CENPF: variants seen among roughly 807,000 people sequenced by gnomAD.
The protein encoded by CENPF is AH antigen.
CENPF carries 214 observed loss-of-function variants against 307.3 expected under a neutral mutation model. The observed-to-expected ratio is 0.70, with a 90% CI of 0.62 to 0.78. The LOEUF (loss-of-function observed/expected upper bound fraction) is 0.78, where lower values mean the gene tolerates loss of function less well. CENPF is among the 30% of genes least tolerant of loss of function. The probability of loss-of-function intolerance (pLI) is 0.00; values close to 1 mark genes in which losing one functional copy is unlikely to be tolerated. For missense variants in CENPF, 3,401 were observed against 3,483.9 expected (o/e 0.98, Z 0.60); for synonymous variants, 1,259 against 1,270.6 (o/e 0.99, Z 0.19).
At chr1:214,662,384 A>C (rs780880190) in intron 19 of CENPF, among the ~76,000 whole-genome samples, 1 of 152,160 alleles carries the variant, frequency 6.6e-6, no homozygotes, top group Non-Finnish European at 1.5e-5. Context: ...ACTCTGAGGG[A>C]GAAGTGAGCT....
chr1:214,648,692 A>C lies in CENPF; in HGVS notation c.7848A>C (p.Ala2616=). 1 of 1,613,090 alleles carries C rather than the reference A, an allele frequency of 6.2e-7. No homozygotes were observed. Among genetic ancestry groups the C allele is most frequent in the Non-Finnish European group, 8.5e-7 (1 of 1,179,746 alleles). Residue 2616 remains alanine (A), a synonymous_variant, in exon 14 of 20, where the codon GCA becomes GCC. Coordinates refer to ENST00000366955, the MANE Select transcript of CENPF (RefSeq NM_016343.4). Reference sequence around the variant, plus strand: ...AATTTCAGGTAAACAAAATGACTGCAAAGGAAACTGAGCTGCAGAGGGAAA... The same window carrying C: ...AATTTCAGGTAAACAAAATGACTGCCAAGGAAACTGAGCTGCAGAGGGAAA... ...SFVEKVNKMT[A]KETELQREMH... is the part of the protein sequence containing the mutation.
chr1:214,619,898 A>G (rs1425934415), intron 5 of CENPF, among the ~76,000 whole-genome samples: 1 of 152,184 alleles, frequency 6.6e-6, no homozygotes, highest in African/African-American at 2.4e-5. Flanking sequence ...AAAATTAAGT[A>G]CTCATTCTCT....
In CENPF at chr1:214,663,833, C is replaced by A; in HGVS notation, c.*39C>A. On this transcript the variant is annotated 3_prime_UTR_variant, in exon 20 of 20. Transcript: ENST00000366955. ...GTCAGTACCCCTGGGAGGTGCCAGT[C>A]ATTGAATAGATAAGGCTGTGCCTAC... is the stretch of plus-strand genomic sequence containing the variant. 1.3e-6 allele frequency: 2 copies of A among 1,535,536 alleles called. No individual in the cohort carries two copies. The highest frequency in any genetic ancestry group is 2.3e-5 in the South Asian group (2 of 87,350).
intron 6 of CENPF, among the ~76,000 whole-genome samples, chr1:214,621,567 G>GA (rs1657507111): frequency 1.3e-5 from 2 of 152,160 alleles, no homozygotes; most frequent in Non-Finnish European, 2.9e-5. Context: ...GCGTATGTGG[G>GA]AAAAAAGTGG....
chr1:214,644,803 T>G lies in CENPF; in HGVS notation c.5233T>G (p.Cys1745Gly), dbSNP rs749864587. The G allele has an allele frequency of 1.4e-5, 22 of 1,613,880 alleles. No individual in the cohort carries two copies. Among genetic ancestry groups the G allele is most frequent in the Non-Finnish European group, 1.7e-5 (20 of 1,179,952 alleles). The stretch of plus-strand genomic sequence containing the variant: ...AGATAAAACCCAGGGCTCTTCAGAA[T>G]GCATTTCTGAATTGTCATTTTCTGG... ...GEDKTQGSSE[C>G]ISELSFSGPN... is the part of the protein sequence containing the mutation. The change falls in exon 13 of 20, where the codon TGC (cysteine) becomes GGC (glycine). Residue 1745 changes from cysteine to glycine, a missense_variant. By Grantham distance (159) the Cys-to-Gly change is radical. Transcript: ENST00000366955.
rs777360859 is a variant in CENPF, at chr1:214,619,628, CA to C, written c.573+409del. Among the ~76,000 whole-genome samples, 67 of 152,198 alleles carry C rather than the reference CA, an allele frequency of 4.4e-4. 1 individual carries two copies. Among genetic ancestry groups the C allele is most frequent in the South Asian group, 1.0e-3 (5 of 4,818 alleles). On this transcript the variant is annotated intron_variant, in intron 5 of 19. Coordinates refer to ENST00000366955, the MANE Select transcript of CENPF (RefSeq NM_016343.4). The stretch of plus-strand genomic sequence containing the variant: ...GAATTTTACCTCTACCATTTTTGTT[CA>C]CGTGTTATTTGCTGAAAACAGTTTC...
intron 16 of CENPF, 87 bp from the exon 17 acceptor site, chr1:214,655,154 A>G: frequency 1.3e-6 from 1 of 795,816 alleles, no homozygotes. Flanking sequence ...AATTTACAAT[A>G]TATGAATCTT....
chr1:214,608,300 A>C, intron 1 of CENPF: 1 of 1,576,552 alleles, frequency 6.3e-7, no homozygotes, highest in Non-Finnish European at 8.6e-7. Flanking sequence ...AGCTGCCCCC[A>C]GGGTTGCCCT....
In CENPF at chr1:214,642,968, G is replaced by A. The variant is rs148549570; in HGVS notation, c.4630G>A (p.Ala1544Thr). 3 of 1,612,676 alleles carry A rather than the reference G, an allele frequency of 1.9e-6. No individual in the cohort carries two copies. The highest frequency in any genetic ancestry group is 8.5e-7 in the Non-Finnish European group (1 of 1,179,618). Residue 1544 changes from alanine to threonine, a missense_variant, in exon 12 of 20, where the codon GCC (alanine) becomes ACC (threonine). Coordinates refer to ENST00000366955, the MANE Select transcript of CENPF (RefSeq NM_016343.4). Reference protein sequence around the residue: ...ENLTRKETPSAPAKGVEELES... With the variant: ...ENLTRKETPSTPAKGVEELES... ...TCTGACCAGGAAAGAAACCCCTTCG[G>A]CCCCAGCGAAGGGTGTTGAAGAGCT...
chr1:214,609,114 C>T (rs1412290977), intron 1 of CENPF, among the ~76,000 whole-genome samples: 2 of 151,822 alleles, frequency 1.3e-5, no homozygotes, highest in Non-Finnish European at 2.9e-5. Context: ...CAGGGCCGCA[C>T]TCCATGGCGC....
At chr1:214,611,045 G>A (rs1201513544) in intron 1 of CENPF, among the ~76,000 whole-genome samples, 1 of 152,114 alleles carries the variant, frequency 6.6e-6, no homozygotes, top group Non-Finnish European at 1.5e-5. Context: ...CTATGTGTCT[G>A]ATTTTGTACT....
intron 1 of CENPF, chr1:214,612,972 C>T (rs1657238107): frequency 3.5e-6 from 1 of 285,222 alleles, no homozygotes. Flanking sequence ...CTGCTGTAAC[C>T]CTGTCCTTCA....
intron 16 of CENPF, 71 bp downstream of exon 16, chr1:214,653,060 C>A: frequency 1.5e-6 from 2 of 1,351,714 alleles, no homozygotes; most frequent in Non-Finnish European, 2.1e-6. Context: ...AATGGTATAG[C>A]ATTAAACGTT....
At position 214,640,407 on chromosome 1, in the gene CENPF, C is replaced by A; in HGVS notation, c.2069C>A (p.Ser690Ter). ...CTTCACAACGTGTTAGACAGTAAGT[C>A]AGTGGAGGTAGAGACCCAGAAACTA... The part of the protein sequence containing the change: ...RNLHNVLDSK[S>*]VEVETQKLAY... Residue 690 changes from serine to a stop codon, truncating the protein, a stop_gained, in exon 12 of 20, where the codon TCA becomes TAA. Coordinates refer to ENST00000366955, the MANE Select transcript of CENPF (RefSeq NM_016343.4). LOFTEE classifies it high-confidence loss of function. 1 of 1,613,968 alleles carries A rather than the reference C, an allele frequency of 6.2e-7. No individual in the cohort carries two copies. Among genetic ancestry groups the A allele is most frequent in the South Asian group, 1.1e-5 (1 of 91,056 alleles).
At chr1:214,618,724 G>T in intron 4 of CENPF, 30 bp downstream of exon 4, 9 of 1,579,934 alleles carry the variant, frequency 5.7e-6, no homozygotes, top group Non-Finnish European at 7.7e-6. Flanking sequence ...GGTATAGACA[G>T]CTTTTTGTTT....
At chr1:214,633,274 G>A (rs891878724) in intron 10 of CENPF, among the ~76,000 whole-genome samples, 9 of 152,266 alleles carry the variant, frequency 5.9e-5, no homozygotes, top group African/African-American at 1.9e-4. Context: ...GCCCTGATGG[G>A]ATTTTATGCA....
rs1339633000 is a variant in CENPF, at chr1:214,641,186, A to G, written c.2848A>G (p.Thr950Ala). The G allele has an allele frequency of 3.1e-6, 5 of 1,605,556 alleles. No homozygotes were observed. The highest frequency in any genetic ancestry group is 2.5e-6 in the Non-Finnish European group (3 of 1,177,888). Residue 950 changes from threonine to alanine, a missense_variant, in exon 12 of 20, where the codon ACC becomes GCC. Coordinates refer to ENST00000366955, the MANE Select transcript of CENPF (RefSeq NM_016343.4). ...AAAGGAGCTACAACTTTTATCCGAA[A>G]CCCTAAGCTTGGAGAAGAAAGAAAT... ...SLKELQLLSETLSLEKKEMSS... is the reference protein window; with the variant it reads ...SLKELQLLSEALSLEKKEMSS...
In CENPF at chr1:214,646,216, A is replaced by G. The variant is rs1257962688; in HGVS notation, c.6646A>G (p.Thr2216Ala). The change falls in exon 13 of 20, where the codon ACA (threonine) becomes GCA (alanine). Residue 2216 changes from threonine (T) to alanine (A), a missense_variant. Coordinates refer to ENST00000366955, the MANE Select transcript of CENPF (RefSeq NM_016343.4). Reference protein sequence around the residue: ...VTLRSEKENLTKQIQEKQGQL... With the variant: ...VTLRSEKENLAKQIQEKQGQL... ...GTTAAGGTCTGAAAAAGAAAATCTG[A>G]CAAAACAAATACAAGAAAAACAAGG... 1 of 1,613,358 alleles carries G rather than the reference A, an allele frequency of 6.2e-7. No homozygotes were observed.
At chr1:214,638,296 C>T (rs1337228595) in intron 11 of CENPF, among the ~76,000 whole-genome samples, 1 of 152,158 alleles carries the variant, frequency 6.6e-6, no homozygotes, top group African/African-American at 2.4e-5. Flanking sequence ...TGCTGTCTCT[C>T]ACCCCCGAGT....
Sources: allele counts gnomAD v4.1 joint callset (sites outside exome capture counted in the v4.1 genomes callset), GRCh38; gene constraint gnomAD v4.1.1; transcripts MANE v1.5; gene names NCBI Gene and HGNC (gene_info 2026-07-23, HGNC 2026-07-21).